Variants in GATA4 observed in about 807,000 individuals in gnomAD.
GATA4 encodes the protein GATA binding protein 4.
Under a neutral mutation model 37.9 loss-of-function variants are expected in GATA4, and 7 were observed. That is an observed-to-expected ratio of 0.18 (90% CI 0.11 to 0.35). GATA4 has a LOEUF of 0.35. Ranked by LOEUF, GATA4 falls within the 10% of genes least tolerant of loss-of-function variation. The pLI is 1.00. For missense variants in GATA4, 647 were observed against 653.0 expected, an observed-to-expected ratio of 0.99 and a Z score of 0.10; for synonymous variants, 372 against 292.6, an observed-to-expected ratio of 1.27 and a Z score of -2.77.
Position 11,707,346 on chromosome 8 carries a change from CTTTG to C in GATA4, c.-457-507_-457-504del. ...TTTTTTTTTTTAATTACAAACAAAA[CTTTG>C]TTAGGTTGTTGTTTTGTGTAAAGTT... is the stretch of plus-strand genomic sequence containing the variant. On this transcript the variant is annotated intron_variant, in intron 1 of 6. Coordinates refer to ENST00000532059, the MANE Select transcript of GATA4 (RefSeq NM_001308093.3). This position sits in a 1 kb window ranked among gnomAD's most constrained non-coding sequence, Gnocchi z 4.7. Among the ~76,000 whole-genome samples the C allele has an allele frequency of 6.7e-6, 1 of 150,304 alleles. No homozygotes were observed. The highest frequency in any genetic ancestry group is 2.0e-4 in the East Asian group (1 of 5,098).
At chr8:11,689,124 T>G (rs1384123755), upstream of GATA4, among the ~76,000 whole-genome samples, 6 of 152,208 alleles carry the variant, frequency 3.9e-5, no homozygotes, top group Admixed American at 2.6e-4. Context: ...CAAGACGACT[T>G]CTGGAACCTC....
chr8:11,703,892 G>T (rs560860578), upstream of GATA4, among the ~76,000 whole-genome samples: 11 of 152,336 alleles, frequency 7.2e-5, no homozygotes, highest in East Asian at 1.9e-4. Flanking sequence ...CCACAGGAAG[G>T]GGGGGCGGGG....
chr8:11,717,830 A>G (rs1800503589), intron 2 of GATA4, among the ~76,000 whole-genome samples: 1 of 152,158 alleles, frequency 6.6e-6, no homozygotes, highest in Non-Finnish European at 1.5e-5. Flanking sequence ...CAGGAATGCA[A>G]TGTTAGGAAT....
intron 6 of GATA4, among the ~76,000 whole-genome samples, chr8:11,757,378 CAA>C (rs1329070875): frequency 2.0e-5 from 3 of 152,210 alleles, no homozygotes; most frequent in East Asian, 1.9e-4. Flanking sequence ...TCTTTGGAAA[CAA>C]AGAGAGGGGA....
At chr8:11,754,218 C>A (rs12335218) in intron 4 of GATA4, among the ~76,000 whole-genome samples, 28 of 152,186 alleles carry the variant, frequency 1.8e-4, no homozygotes, top group African/African-American at 6.8e-4. Context: ...AGCACCGCTG[C>A]ACCCTCACAC....
chr8:11,701,938 C>T (rs1799690689), upstream of GATA4, among the ~76,000 whole-genome samples: 1 of 152,190 alleles, frequency 6.6e-6, no homozygotes, highest in Non-Finnish European at 1.5e-5. Flanking sequence ...TGCAAGCAAG[C>T]ACCCAGCAAA....
chr8:11,683,504 C>T (rs1043681273), intron 1 of GATA4, among the ~76,000 whole-genome samples: 1 of 152,148 alleles, frequency 6.6e-6, no homozygotes, highest in Non-Finnish European at 1.5e-5. Flanking sequence ...GGGCGCGGTT[C>T]GATTCCAACT....
chr8:11,681,681 A>C (rs1326414016), intron 1 of GATA4, among the ~76,000 whole-genome samples: 2 of 149,896 alleles, frequency 1.3e-5, no homozygotes, highest in Non-Finnish European at 3.0e-5. Context: ...TTCTCTCTTC[A>C]TTTCTCTCTT....
chr8:11,691,783 C>G (rs1799321685), upstream of GATA4, among the ~76,000 whole-genome samples: 1 of 152,150 alleles, frequency 6.6e-6, no homozygotes, highest in Non-Finnish European at 1.5e-5. Flanking sequence ...CCACAGCAAC[C>G]TGGGGTCCCT....
intron 2 of GATA4, among the ~76,000 whole-genome samples, chr8:11,723,569 C>T (rs184005183): frequency 4.1e-4 from 63 of 152,234 alleles, no homozygotes; most frequent in Admixed American, 2.6e-3. Context: ...GCCATTTGCC[C>T]CAAGAAACCT....
chr8:11,706,768 C>G (rs1799906358), intron 1 of GATA4, among the ~76,000 whole-genome samples: 1 of 152,124 alleles, frequency 6.6e-6, no homozygotes, highest in Non-Finnish European at 1.5e-5. Flanking sequence ...CTTCCCCCAC[C>G]CCTTCTGATT....
At chr8:11,678,156 T>C (rs1205851920) in intron 1 of GATA4, among the ~76,000 whole-genome samples, 1 of 152,112 alleles carries the variant, frequency 6.6e-6, no homozygotes, top group African/African-American at 2.4e-5. Context: ...CCAAGTTTCC[T>C]GTGCCTAGTC....
intron 2 of GATA4, among the ~76,000 whole-genome samples, chr8:11,739,251 T>A (rs375528948): frequency 6.6e-6 from 1 of 152,244 alleles, no homozygotes; most frequent in Non-Finnish European, 1.5e-5. Context: ...GTCTATCCAA[T>A]TGTCATGTAA....
chr8:11,745,924 A>G (rs1239873067), intron 2 of GATA4, among the ~76,000 whole-genome samples: 2 of 152,228 alleles, frequency 1.3e-5, no homozygotes, highest in Non-Finnish European at 1.5e-5. Flanking sequence ...AAGCTGGATG[A>G]TAGTTAAGAG....
At chr8:11,757,210 T>C in intron 6 of GATA4, 127 bp downstream of exon 6, 1 of 1,394,760 alleles carries the variant, frequency 7.2e-7, no homozygotes, top group Non-Finnish European at 9.7e-7. Context: ...AGCTACCCTC[T>C]GCGCTAGGAA....
chr8:11,735,046 A>G (rs973574228), intron 2 of GATA4, among the ~76,000 whole-genome samples: 1 of 152,274 alleles, frequency 6.6e-6, no homozygotes, highest in Non-Finnish European at 1.5e-5. Context: ...ACTGGGAAAC[A>G]TAATAGGCAA....
At chr8:11,689,116 A>G (rs1799232523), upstream of GATA4, among the ~76,000 whole-genome samples, 1 of 152,228 alleles carries the variant, frequency 6.6e-6, no homozygotes, top group Admixed American at 6.5e-5. Flanking sequence ...AGAAGCTGCA[A>G]GACGACTTCT....
At chr8:11,693,560 CACAG>C (rs1285806360) in intron 1 of GATA4, among the ~76,000 whole-genome samples, 604 of 68,842 alleles carry the variant, frequency 8.8e-3, no homozygotes, top group East Asian at 0.037. Context: ...CACACACACA[CACAG>C]AGAGAGAGAG....
chr8:11,737,220 G>A (rs1375050163), intron 2 of GATA4, among the ~76,000 whole-genome samples: 2 of 151,798 alleles, frequency 1.3e-5, no homozygotes, highest in African/African-American at 4.8e-5. Context: ...TCTGAAAGGC[G>A]TAAATCTCCC....
Sources: gnomAD v4.1 joint callset for allele counts (sites outside exome capture counted in the v4.1 genomes callset) on GRCh38, gnomAD v4.1.1 for gene constraint, Gnocchi (gnomAD v3.1) non-coding constraint, MANE v1.5 for transcripts, NCBI Gene and HGNC (gene_info 2026-07-23, HGNC 2026-07-21) for gene names.